Variants in RORA observed in about 807,000 individuals in gnomAD.
The protein encoded by RORA is nuclear receptor ROR-alpha.
In RORA, 7 loss-of-function variants were observed where a neutral mutation model predicts 69.5. The observed-to-expected ratio is 0.10, with a 90% CI of 0.06 to 0.19. The LOEUF is 0.19. RORA is among the 10% of genes least tolerant of loss of function. RORA has a pLI of 1.00. For missense variants in RORA, 457 were observed against 663.0 expected (o/e 0.69, Z 3.41); for synonymous variants, 261 against 240.8 (o/e 1.08, Z -0.78).
At chr15:60,761,313 G>A (rs1311707672) in intron 1 of RORA, among the ~76,000 whole-genome samples, 3 of 152,004 alleles carry the variant, frequency 2.0e-5, no homozygotes, top group Non-Finnish European at 2.9e-5. Flanking sequence ...AAAGGGATTC[G>A]TATACAATAA....
At position 60,534,601 on chromosome 15, in the gene RORA, T is replaced by TTTCTC. The variant is rs1344218880; in HGVS notation, c.197-2751_197-2750insGAGAA. The stretch of plus-strand genomic sequence containing the variant: ...CTTCACCGGGAATCTCTCGGTAAGG[T>TTTCTC]GGTAGAAGGGTTTCTGGATAGCAAG... On this transcript the variant is annotated intron_variant, in intron 2 of 10. Transcript: ENST00000335670. The surrounding 1 kb of genome is among the most constrained non-coding windows in gnomAD (Gnocchi z 5.0). Among the ~76,000 whole-genome samples, 6 of 152,050 alleles carry TTTCTC rather than the reference T, an allele frequency of 3.9e-5. No individual in the cohort carries two copies. Among genetic ancestry groups the TTTCTC allele is most frequent in the Non-Finnish European group, 5.9e-5 (4 of 67,994 alleles).
intron 10 of RORA, among the ~76,000 whole-genome samples, chr15:60,498,015 T>C (rs7177811): frequency 0.98 from 148,667 of 152,108 alleles, 72,731 homozygotes; most frequent in Middle Eastern, 1. Context: ...GCCGTGATCG[T>C]GCCACTGCAC....
rs1490075242 is a variant in RORA, at chr15:60,492,191, T to C, written c.*5264A>G. 1.3e-5 allele frequency: 2 copies of C among 152,206 alleles called. No homozygotes were observed. The highest frequency in any genetic ancestry group is 2.9e-5 in the Non-Finnish European group (2 of 68,030). The allele number at this position is 152,206 out of a possible 1,614,324, so 9.4% of individuals were successfully genotyped here. On this transcript the variant is annotated 3_prime_UTR_variant, in exon 11 of 11. Coordinates refer to ENST00000335670, the MANE Select transcript of RORA (RefSeq NM_134261.3). ...GTTCCTCTATCATAGTAAGAAAATA[T>C]ATAAATCTTCTTGTGAATGTGTATC...
At chr15:61,019,192 C>T (rs1398413230) in intron 1 of RORA, among the ~76,000 whole-genome samples, 4 of 152,204 alleles carry the variant, frequency 2.6e-5, no homozygotes, top group Non-Finnish European at 5.9e-5. Flanking sequence ...CATTACACAG[C>T]GCTCCACGCA....
In RORA at chr15:60,654,316, A is replaced by G. The variant is rs536539370; in HGVS notation, c.196+24341T>C. 1.3e-3 allele frequency among the ~76,000 whole-genome samples: 202 copies of G among 152,308 alleles called. 1 individual carries two copies. The highest frequency in any genetic ancestry group is 4.3e-3 in the African/African-American group (179 of 41,566). ...CCGATTTATTTTTGACCTTGACACAATTTGAATTTAACAAACATTTTTCCC... is the reference window on the plus strand; with the variant it reads ...CCGATTTATTTTTGACCTTGACACAGTTTGAATTTAACAAACATTTTTCCC... On this transcript the variant is annotated intron_variant, in intron 2 of 10. Coordinates refer to ENST00000335670, the MANE Select transcript of RORA (RefSeq NM_134261.3).
chr15:60,601,205 A>T (rs1474570130), intron 2 of RORA: 1 of 152,204 alleles, frequency 6.6e-6, no homozygotes, highest in Non-Finnish European at 1.5e-5. Flanking sequence ...CCCTCATAAC[A>T]TCTAGGCATG....
chr15:60,748,309 G>GAA (rs397854053), intron 1 of RORA, among the ~76,000 whole-genome samples: 5 of 32,082 alleles, frequency 1.6e-4, no homozygotes, highest in East Asian at 7.1e-4. Context: ...TATAATTAGC[G>GAA]AAAAAAAAAA....
chr15:61,012,641 C>G (rs1895125338), intron 1 of RORA, among the ~76,000 whole-genome samples: 2 of 142,940 alleles, frequency 1.4e-5, no homozygotes, highest in Non-Finnish European at 3.1e-5. Context: ...CATTGTTTCA[C>G]TAAACCAAGT....
intron 2 of RORA, among the ~76,000 whole-genome samples, chr15:60,637,185 A>G (rs1327502042): frequency 6.6e-6 from 1 of 152,142 alleles, no homozygotes; most frequent in Non-Finnish European, 1.5e-5. Context: ...TATTCACAGT[A>G]TATTAATGTC....
chr15:60,762,572 CCA>C (rs1270914653), intron 1 of RORA, among the ~76,000 whole-genome samples: 1 of 151,930 alleles, frequency 6.6e-6, no homozygotes, highest in Non-Finnish European at 1.5e-5. Context: ...CACACACACA[CCA>C]CACACACAGG....
chr15:60,752,010 C>A (rs1344987753), intron 1 of RORA, among the ~76,000 whole-genome samples: 1 of 151,968 alleles, frequency 6.6e-6, no homozygotes, highest in Non-Finnish European at 1.5e-5. Context: ...CTCCAGGGTC[C>A]CCATCACTTG....
intron 1 of RORA, among the ~76,000 whole-genome samples, chr15:60,847,052 T>G: frequency 6.6e-6 from 1 of 152,178 alleles, no homozygotes; most frequent in Non-Finnish European, 1.5e-5. Flanking sequence ...GGGTATAGCT[T>G]AAAAGTGCCT....
chr15:60,562,731 C>T (rs2067606316), intron 2 of RORA, among the ~76,000 whole-genome samples: 1 of 151,942 alleles, frequency 6.6e-6, no homozygotes, highest in African/African-American at 2.4e-5. Flanking sequence ...CATGCATGAG[C>T]CACTGTGCCT....
chr15:61,093,223 T>C (rs2078735096), intron 1 of RORA, among the ~76,000 whole-genome samples: 1 of 152,216 alleles, frequency 6.6e-6, no homozygotes, highest in South Asian at 2.1e-4. Flanking sequence ...TTAAGAGTTT[T>C]CTTAAATCCC....
At chr15:60,663,468 T>C (rs1273373187) in intron 2 of RORA, among the ~76,000 whole-genome samples, 2 of 152,236 alleles carry the variant, frequency 1.3e-5, no homozygotes, top group Non-Finnish European at 2.9e-5. Context: ...TTTTTTGTTG[T>C]TGCTGTTACG....
intron 3 of RORA, chr15:60,529,475 C>G (rs551207726): frequency 1.6e-4 from 24 of 152,298 alleles, no homozygotes; most frequent in African/African-American, 5.1e-4. Flanking sequence ...AAGTCCCTGG[C>G]TAGGCATAGG....
chr15:60,858,692 TACACACACACACACACAC>T (rs3053884), intron 1 of RORA, among the ~76,000 whole-genome samples: 2 of 142,818 alleles, frequency 1.4e-5, no homozygotes, highest in African/African-American at 2.6e-5. Flanking sequence ...AGAAAGAAAA[TACACACACACACACACAC>T]ACACACACAC....
chr15:61,009,075 A>G (rs1297134216), intron 1 of RORA, among the ~76,000 whole-genome samples: 4 of 152,218 alleles, frequency 2.6e-5, no homozygotes, highest in Non-Finnish European at 5.9e-5. Context: ...TGCTGTGAGT[A>G]GCAAATACAA....
At chr15:60,735,895 G>C (rs1388347939) in intron 1 of RORA, among the ~76,000 whole-genome samples, 2 of 152,190 alleles carry the variant, frequency 1.3e-5, no homozygotes, top group Non-Finnish European at 2.9e-5. Context: ...ATTGGAGACA[G>C]ACTTATTGAC....
Sources: allele counts gnomAD v4.1 joint callset (sites outside exome capture counted in the v4.1 genomes callset), GRCh38; gene constraint gnomAD v4.1.1; non-coding constraint Gnocchi (gnomAD v3.1); transcripts MANE v1.5; gene names NCBI Gene and HGNC (gene_info 2026-07-23, HGNC 2026-07-21).